ROBO2: variants seen among roughly 807,000 people sequenced by gnomAD.
ROBO2 encodes roundabout guidance receptor 2.
Under a neutral mutation model 160.8 loss-of-function variants are expected in ROBO2, and 53 were observed. The observed-to-expected ratio is 0.33, with a 90% confidence interval of 0.26 to 0.41. The LOEUF is 0.41. Among genes scored for constraint, ROBO2 ranks in the 10% least tolerant of loss-of-function variants. ROBO2 has a pLI of 1.00. For synonymous variants in ROBO2, 664 were observed against 611.7 expected, an observed-to-expected ratio of 1.09 and a Z score of -1.26; for missense variants, 1,577 against 1,722.4, an observed-to-expected ratio of 0.92 and a Z score of 1.49.
intron 1 of ROBO2, among the ~76,000 whole-genome samples, chr3:77,085,713 ATCTT>A (rs1488871197): frequency 3.3e-5 from 5 of 152,100 alleles, no homozygotes; most frequent in African/African-American, 9.7e-5. Flanking sequence ...CCAAGAGGAA[ATCTT>A]TCTTTTCATC....
chr3:77,602,913 ACCTCTGC>A (rs1460784313), intron 20 of ROBO2: 5 of 459,532 alleles, frequency 1.1e-5, no homozygotes, highest in South Asian at 7.7e-5. Flanking sequence ...TGCCACTATG[ACCTCTGC>A]CCTTTAACCC....
At chr3:77,166,301 C>A (rs531813224) in intron 2 of ROBO2, among the ~76,000 whole-genome samples, 1 of 152,020 alleles carries the variant, frequency 6.6e-6, no homozygotes, top group African/African-American at 2.4e-5. Flanking sequence ...AAGAAACATT[C>A]TTCTACATAA....
chr3:76,074,849 A>C (rs1057352654), intron 2 of ROBO2, among the ~76,000 whole-genome samples: 4 of 152,198 alleles, frequency 2.6e-5, no homozygotes, highest in Admixed American at 2.6e-4. Context: ...TTGATCAAAA[A>C]ATGGTAAAGT....
At chr3:76,719,172 G>A (rs2093427759) in intron 2 of ROBO2, among the ~76,000 whole-genome samples, 1 of 152,090 alleles carries the variant, frequency 6.6e-6, no homozygotes, top group African/African-American at 2.4e-5. Flanking sequence ...TAAATTATGT[G>A]TACATACAAC....
At chr3:76,694,749 G>A (rs2092892218) in intron 2 of ROBO2, among the ~76,000 whole-genome samples, 1 of 152,050 alleles carries the variant, frequency 6.6e-6, no homozygotes, top group Non-Finnish European at 1.5e-5. Flanking sequence ...TGAAGCAGAG[G>A]AAATTATGTT....
At chr3:77,575,181 C>G (rs2093730197) in intron 14 of ROBO2, among the ~76,000 whole-genome samples, 1 of 152,058 alleles carries the variant, frequency 6.6e-6, no homozygotes, top group Non-Finnish European at 1.5e-5. Context: ...AGGAAGGGCA[C>G]TTGCGTATTT....
intron 5 of ROBO2, among the ~76,000 whole-genome samples, chr3:77,494,976 A>C (rs1482220145): frequency 6.6e-6 from 1 of 152,166 alleles, no homozygotes; most frequent in Non-Finnish European, 1.5e-5. Flanking sequence ...TCTTTAAAGG[A>C]ATGGTATTAG....
At chr3:76,231,953 A>T (rs1704646177) in intron 2 of ROBO2, among the ~76,000 whole-genome samples, 1 of 152,214 alleles carries the variant, frequency 6.6e-6, no homozygotes, top group Non-Finnish European at 1.5e-5. Flanking sequence ...CTCTATACAG[A>T]AGTTTTTAAA....
chr3:76,054,947 A>G (rs1052437825), intron 2 of ROBO2, among the ~76,000 whole-genome samples: 1 of 152,182 alleles, frequency 6.6e-6, no homozygotes, highest in Non-Finnish European at 1.5e-5. Context: ...TATCAATTTG[A>G]AAGGGCAGTG....
chr3:77,137,998 G>A (rs1028206638), intron 2 of ROBO2, among the ~76,000 whole-genome samples: 7 of 151,484 alleles, frequency 4.6e-5, no homozygotes, highest in African/African-American at 1.5e-4. Flanking sequence ...AGTGGTAAAC[G>A]TGTAATATAA....
At chr3:75,936,163 A>G (rs1947773308) in intron 1 of ROBO2, among the ~76,000 whole-genome samples, 1 of 152,136 alleles carries the variant, frequency 6.6e-6, no homozygotes, top group South Asian at 2.1e-4. Context: ...GGTCATTTAA[A>G]ATGGAGAGGT....
At chr3:77,620,309 A>G (rs180874453) in intron 22 of ROBO2, among the ~76,000 whole-genome samples, 1 of 152,350 alleles carries the variant, frequency 6.6e-6, no homozygotes, top group Non-Finnish European at 1.5e-5. Context: ...TTCGTGAAGT[A>G]AACAGCACAG....
intron 2 of ROBO2, among the ~76,000 whole-genome samples, chr3:77,469,335 G>A (rs2153578657): frequency 6.6e-6 from 1 of 152,174 alleles, no homozygotes; most frequent in South Asian, 2.1e-4. Context: ...TCTCCCCCTG[G>A]GGTCAAAGCG....
intron 2 of ROBO2, among the ~76,000 whole-genome samples, chr3:77,206,843 C>T (rs1021004774): frequency 2.0e-5 from 3 of 151,874 alleles, no homozygotes; most frequent in Admixed American, 6.6e-5. Context: ...ATTCTGTAAT[C>T]CATTGATGAA....
intron 2 of ROBO2, among the ~76,000 whole-genome samples, chr3:76,512,808 A>G (rs898051944): frequency 1.3e-5 from 2 of 152,186 alleles, no homozygotes; most frequent in East Asian, 3.9e-4. Flanking sequence ...CATTATGTAT[A>G]TACAAATATC....
At chr3:77,404,037 A>AT (rs1249411322) in intron 2 of ROBO2, among the ~76,000 whole-genome samples, 1 of 152,114 alleles carries the variant, frequency 6.6e-6, no homozygotes, top group African/African-American at 2.4e-5. Flanking sequence ...TACCATAGTT[A>AT]TTTTTTATTA....
At chr3:76,814,268 G>A (rs541493449) in intron 2 of ROBO2, among the ~76,000 whole-genome samples, 1 of 152,258 alleles carries the variant, frequency 6.6e-6, no homozygotes, top group South Asian at 2.1e-4. Context: ...TAACTTGTGA[G>A]TTCTAATATT....
chr3:76,400,962 T>C (rs1052679610), intron 2 of ROBO2, among the ~76,000 whole-genome samples: 6 of 151,596 alleles, frequency 4.0e-5, no homozygotes, highest in African/African-American at 1.2e-4. Context: ...TGTGGCATAT[T>C]AGGTATACAC....
chr3:77,381,507 G>T (rs373433726), intron 2 of ROBO2, among the ~76,000 whole-genome samples: 57 of 152,222 alleles, frequency 3.7e-4, no homozygotes, highest in African/African-American at 1.4e-3. Context: ...TGTGCATGAA[G>T]GACCTTTTAA....
Sources: gnomAD v4.1 joint callset for allele counts (sites outside exome capture counted in the v4.1 genomes callset) on GRCh38, gnomAD v4.1.1 for gene constraint, MANE v1.5 for transcripts, NCBI Gene and HGNC (gene_info 2026-07-23, HGNC 2026-07-21) for gene names.